Variants in ABCG1 observed in about 807,000 individuals in gnomAD.
The protein encoded by ABCG1 is ATP-binding cassette sub-family G member 1.
In ABCG1, 29 loss-of-function variants were observed where a neutral mutation model predicts 69.2. The ratio of observed to expected loss-of-function variants is 0.42; its 90% CI spans 0.31 to 0.57. The LOEUF (loss-of-function observed/expected upper bound fraction) is 0.57. Ranked by LOEUF, ABCG1 falls within the 20% of genes least tolerant of loss-of-function variation. The pLI is 0.15. For missense variants in ABCG1, 718 were observed against 898.1 expected (o/e 0.80, Z 2.56); for synonymous variants, 370 against 374.8 (o/e 0.99, Z 0.15).
intron 2 of ABCG1, among the ~76,000 whole-genome samples, chr21:42,255,238 C>T (rs73905596): frequency 0.16 from 23,841 of 152,134 alleles, 1,968 homozygotes; most frequent in African/African-American, 0.19. Flanking sequence ...GCCAGTGGGG[C>T]GCGGTGTGCA....
intron 2 of ABCG1, among the ~76,000 whole-genome samples, chr21:42,253,230 G>A (rs2068251177): frequency 6.6e-6 from 1 of 152,160 alleles, no homozygotes; most frequent in Admixed American, 6.5e-5. Context: ...GGGGTAAAGG[G>A]CAGAAACATA....
chr21:42,207,810 AC>A (rs1386502484), intron 2 of ABCG1, among the ~76,000 whole-genome samples: 2 of 152,104 alleles, frequency 1.3e-5, no homozygotes, highest in African/African-American at 4.8e-5. Context: ...GACCTTAACT[AC>A]TGTTCCCCAC....
chr21:42,288,076 A>G lies in ABCG1; in HGVS notation c.1122+39A>G. ...AACGATTAAAGGGGTTGAGAAAGGT[A>G]ATGCAAATCCCGAAGCCCCCTGGGG... On this transcript the variant is annotated intron_variant, in intron 9 of 14. Transcript: ENST00000398449. The surrounding 1 kb of genome is among the most constrained non-coding windows in gnomAD (Gnocchi z 4.8). The G allele has an allele frequency of 6.2e-7, 1 of 1,604,314 alleles. No homozygotes were observed. The highest frequency in any genetic ancestry group is 1.1e-5 in the South Asian group (1 of 90,720).
At chr21:42,260,899 ACCT>A (rs2068397645) in intron 2 of ABCG1, among the ~76,000 whole-genome samples, 1 of 151,308 alleles carries the variant, frequency 6.6e-6, no homozygotes, top group Admixed American at 6.6e-5. Context: ...GCTCACTGCA[ACCT>A]CCTCCGCCTC....
At chr21:42,268,390 C>CGCGCGT (rs1569227965) in intron 2 of ABCG1, among the ~76,000 whole-genome samples, 3 of 90,564 alleles carry the variant, frequency 3.3e-5, no homozygotes, top group African/African-American at 1.4e-4. Context: ...TGTGTGTGTG[C>CGCGCGT]GCGCGCGCGC....
At position 42,203,144 on chromosome 21, in the gene ABCG1, C is replaced by T. The variant is rs900461258; in HGVS notation, c.48+1421C>T. On this transcript the variant is annotated intron_variant, in intron 2 of 15. Transcript: ENST00000398457. ...AAATTTTCTTATACAAAAGTTAACT[C>T]AAAATGCATCATAGATGTAGAACAT... Among the ~76,000 whole-genome samples, 22 of 152,244 alleles carry T rather than the reference C, an allele frequency of 1.4e-4. No homozygotes were observed. The South Asian group carries it at 1.9e-3, about 13-fold the overall frequency.
intron 2 of ABCG1, chr21:42,206,823 A>G (rs891356139): frequency 1.4e-5 from 2 of 141,550 alleles, no homozygotes; most frequent in Admixed American, 1.4e-4. Context: ...TGAGTGACAC[A>G]TTTTCTTAGT....
chr21:42,248,484 G>A (rs757743675), intron 2 of ABCG1, among the ~76,000 whole-genome samples: 70 of 152,286 alleles, frequency 4.6e-4, no homozygotes, highest in Non-Finnish European at 7.9e-4. Context: ...TTGAAGATAC[G>A]CACCCTCTGT....
chr21:42,268,708 C>G (rs1461624569), intron 2 of ABCG1, among the ~76,000 whole-genome samples: 1 of 152,180 alleles, frequency 6.6e-6, no homozygotes, highest in Admixed American at 6.5e-5. Flanking sequence ...TGGAGTGGAC[C>G]TCTGCAGCCC....
chr21:42,204,012 G>A (rs937242373), intron 2 of ABCG1, among the ~76,000 whole-genome samples: 1 of 152,106 alleles, frequency 6.6e-6, no homozygotes, highest in African/African-American at 2.4e-5. Context: ...GAGCAGTTGT[G>A]AATGGTGTCA....
intron 2 of ABCG1, among the ~76,000 whole-genome samples, chr21:42,226,838 A>C (rs572769905): frequency 5.3e-5 from 8 of 152,312 alleles, no homozygotes; most frequent in Non-Finnish European, 1.0e-4. Flanking sequence ...AGGACTTTGG[A>C]ACAATACAAA....
chr21:42,230,112 T>C (rs1179847896), intron 2 of ABCG1, among the ~76,000 whole-genome samples: 3 of 152,352 alleles, frequency 2.0e-5, no homozygotes, highest in South Asian at 2.1e-4. Context: ...TAAGAAGAGA[T>C]GCCAGGCACT....
intron 2 of ABCG1, among the ~76,000 whole-genome samples, chr21:42,260,934 G>A (rs1383034948): frequency 2.3e-4 from 35 of 152,160 alleles, no homozygotes. Flanking sequence ...CGATTCTCCT[G>A]CCTCAGCCTC....
chr21:42,287,484 A>C lies in ABCG1; in HGVS notation c.974-405A>C, dbSNP rs2068964448. ...TTGTAGAACTGCCGTGGCTCTCGTC[A>C]CACCCTGCCAAACCACAAGCTCCTC... On this transcript the variant is annotated intron_variant, in intron 8 of 14. Transcript: ENST00000398449. The surrounding 1 kb of genome is among the most constrained non-coding windows in gnomAD (Gnocchi z 6.2). Among the ~76,000 whole-genome samples, 1 of 152,132 alleles carries C rather than the reference A, an allele frequency of 6.6e-6. No homozygotes were observed. The highest frequency in any genetic ancestry group is 1.5e-5 in the Non-Finnish European group (1 of 68,028).
chr21:42,209,709 C>T (rs749339175), intron 2 of ABCG1, among the ~76,000 whole-genome samples: 3 of 152,088 alleles, frequency 2.0e-5, no homozygotes, highest in Non-Finnish European at 4.4e-5. Context: ...GTAGAGGATC[C>T]CGTAACAAAG....
chr21:42,204,136 C>T (rs762625326), intron 2 of ABCG1, among the ~76,000 whole-genome samples: 8 of 152,120 alleles, frequency 5.3e-5, no homozygotes, highest in Non-Finnish European at 1.0e-4. Context: ...TTCAGGAGTG[C>T]TTTTGTGGAT....
In ABCG1 at chr21:42,291,265, G is replaced by A. The variant is rs752477371; in HGVS notation, c.1494+73G>A. On this transcript the variant is annotated intron_variant, in intron 12 of 14. Coordinates refer to ENST00000398449, the MANE Select transcript of ABCG1 (RefSeq NM_016818.3). The surrounding 1 kb of genome is among the most constrained non-coding windows in gnomAD (Gnocchi z 6.4). ...TGTACACCCTTTATATCGAGTAAGA[G>A]GACCTGCCAGGGATGCAGGGTGACA... is the stretch of plus-strand genomic sequence containing the variant. 3.4e-5 allele frequency: 44 copies of A among 1,308,702 alleles called. No homozygotes were observed. The highest frequency in any genetic ancestry group is 4.8e-5 in the Non-Finnish European group (44 of 919,756). The allele number at this position is 1,308,702 out of a possible 1,614,324, so 81.1% of individuals were successfully genotyped here.
intron 2 of ABCG1, among the ~76,000 whole-genome samples, chr21:42,248,092 T>C (rs1178779859): frequency 6.6e-6 from 1 of 152,170 alleles, no homozygotes; most frequent in African/African-American, 2.4e-5. Flanking sequence ...AGCAACGTTT[T>C]GAAAAAGAAA....
At chr21:42,266,605 GGAGCACTCT>G (rs1569226969) in intron 2 of ABCG1, among the ~76,000 whole-genome samples, 2 of 152,270 alleles carry the variant, frequency 1.3e-5, no homozygotes, top group East Asian at 3.9e-4. Flanking sequence ...CACCCTATCT[GGAGCACTCT>G]TCTATCCTCC....
Sources: gnomAD v4.1 joint callset for allele counts (sites outside exome capture counted in the v4.1 genomes callset) on GRCh38, gnomAD v4.1.1 for gene constraint, Gnocchi (gnomAD v3.1) non-coding constraint, MANE v1.5 for transcripts, NCBI Gene and HGNC (gene_info 2026-07-23, HGNC 2026-07-21) for gene names.